The following RFX7 variants were observed in gnomAD, a reference collection of about 807,000 sequenced individuals.
RFX7 encodes DNA-binding protein RFX7.
Under a neutral mutation model 111.8 loss-of-function variants are expected in RFX7, and 26 were observed. The observed-to-expected ratio is 0.23, with a 90% CI of 0.17 to 0.32. RFX7 has a LOEUF of 0.32. RFX7 is among the 10% of genes least tolerant of loss of function. RFX7 has a pLI of 1.00. For synonymous variants in RFX7, 624 were observed against 624.4 expected (o/e 1.00, Z 0.01); for missense variants, 1,573 against 1,772.9 (o/e 0.89, Z 2.02).
rs1342015602 is a variant in RFX7, at chr15:56,116,012, T to C, written c.402-12342A>G. On this transcript the variant is annotated intron_variant, in intron 5 of 9. Transcript: ENST00000559447. ...TATGATTATCGACAGTAACTACCTATAGATTAAGAATTAACAAACATTGAA... is the reference window on the plus strand; with the variant it reads ...TATGATTATCGACAGTAACTACCTACAGATTAAGAATTAACAAACATTGAA... 3.3e-5 allele frequency among the ~76,000 whole-genome samples: 5 copies of C among 152,056 alleles called. No homozygotes were observed. In the South Asian group the frequency reaches 1.0e-3, roughly 32 times the overall value.
chr15:56,095,968 A>G lies in RFX7; in HGVS notation c.1760T>C (p.Val587Ala). 6.2e-7 allele frequency: 1 copy of G among 1,610,192 alleles called. No homozygotes were observed. Among genetic ancestry groups the G allele is most frequent in the Non-Finnish European group, 8.5e-7 (1 of 1,179,604 alleles). ...GACCTTAGTTGCTTTTATTTCAATG[A>G]CACCTTCATTTGAAGGTTTCTGCAG... ...GALQKPSNEG[V>A]IEIKATKVCD... The change falls in exon 10 of 10, where the codon GTC (valine) becomes GCC (alanine). Residue 587 changes from valine (V) to alanine (A), a missense_variant. This residue lies in a region of RFX7 where 625 missense variants were observed against 632.2 expected (regional missense o/e 0.99). Coordinates refer to ENST00000559447, the MANE Select transcript of RFX7 (RefSeq NM_022841.7).
intron 2 of RFX7, among the ~76,000 whole-genome samples, chr15:56,226,093 G>A (rs1347192949): frequency 6.6e-6 from 1 of 151,996 alleles, no homozygotes; most frequent in East Asian, 1.9e-4. Flanking sequence ...AAAAGACAGG[G>A]AGACAAAATA....
intron 2 of RFX7, among the ~76,000 whole-genome samples, chr15:56,194,738 CT>C (rs2141169695): frequency 6.6e-6 from 1 of 152,200 alleles, no homozygotes; most frequent in South Asian, 2.1e-4. Context: ...TTTAAATTCA[CT>C]TACTTTGTCT....
At chr15:56,108,700 A>C (rs557972325) in intron 5 of RFX7, among the ~76,000 whole-genome samples, 89 of 152,312 alleles carry the variant, frequency 5.8e-4, no homozygotes, top group African/African-American at 2.1e-3. Context: ...TGGCCAGGGC[A>C]ATCAGGCAAG....
At chr15:56,109,149 G>A (rs1249418171) in intron 5 of RFX7, among the ~76,000 whole-genome samples, 3 of 152,218 alleles carry the variant, frequency 2.0e-5, no homozygotes, top group South Asian at 4.1e-4. Context: ...CTCCCTGCCT[G>A]ATTCTCCTGC....
At chr15:56,214,237 T>G (rs1184861593) in intron 2 of RFX7, among the ~76,000 whole-genome samples, 1 of 152,228 alleles carries the variant, frequency 6.6e-6, no homozygotes. Flanking sequence ...AGGCCATTTT[T>G]TCTTCCACCA....
chr15:56,218,144 C>CTTTTTTTTTTTTTTT (rs869249448), intron 2 of RFX7, among the ~76,000 whole-genome samples: 1 of 57,974 alleles, frequency 1.7e-5, no homozygotes, highest in Non-Finnish European at 3.1e-5. Flanking sequence ...AAATGATTTT[C>CTTTTTTTTTTTTTTT]TTTTTTTTTT....
In RFX7 at chr15:56,096,513, C is replaced by A. The variant is rs767847451; in HGVS notation, c.1215G>T (p.Val405=). 4 of 1,603,328 alleles carry A rather than the reference C, an allele frequency of 2.5e-6. No individual in the cohort carries two copies. In the African/African-American group the frequency reaches 5.4e-5, roughly 21 times the overall value. ...VQVVTQHMQS[V]KQAPKTPQNV... ...TCTGGGGAGTCTTTGGTGCCTGTTT[C>A]ACAGACTGCATGTGCTGAGTGACCA... The change falls in exon 10 of 10, where the codon GTG becomes GTT. Residue 405 remains valine, a synonymous_variant. Transcript: ENST00000559447.
At chr15:56,192,290 G>T (rs1378872146) in intron 2 of RFX7, 2 of 189,554 alleles carry the variant, frequency 1.1e-5, no homozygotes, top group Middle Eastern at 1.1e-3. Context: ...CAGGCACTTT[G>T]GGTGCTGGCT....
At chr15:56,099,752 A>C (rs1250754212) in intron 8 of RFX7, among the ~76,000 whole-genome samples, 4 of 152,236 alleles carry the variant, frequency 2.6e-5, no homozygotes, top group African/African-American at 9.6e-5. Context: ...GTTTTGAGTA[A>C]TGATACAATT....
chr15:56,237,676 A>G (rs2043639674), intron 2 of RFX7, among the ~76,000 whole-genome samples: 1 of 152,226 alleles, frequency 6.6e-6, no homozygotes, highest in Admixed American at 6.5e-5. Flanking sequence ...TTCAATGGAG[A>G]GAGCAAATTG....
At chr15:56,125,610 A>AGTGTGTGTGTGT (rs10564650) in intron 5 of RFX7, among the ~76,000 whole-genome samples, 3 of 146,954 alleles carry the variant, frequency 2.0e-5, no homozygotes, top group African/African-American at 5.1e-5. Flanking sequence ...TGTGTGTGTG[A>AGTGTGTGTGTGT]GTGTGTGTGT....
intron 5 of RFX7, among the ~76,000 whole-genome samples, chr15:56,111,459 TAA>T (rs1356603401): frequency 6.6e-6 from 1 of 150,966 alleles, no homozygotes; most frequent in Non-Finnish European, 1.5e-5. Flanking sequence ...GCATGCTCGT[TAA>T]GAGTCATCAC....
chr15:56,183,836 T>TA (rs71110379), intron 2 of RFX7, among the ~76,000 whole-genome samples: 11 of 152,086 alleles, frequency 7.2e-5, no homozygotes, highest in Non-Finnish European at 1.3e-4. Flanking sequence ...TGCATTTTTT[T>TA]AATCTGTCCT....
At chr15:56,224,474 T>TGTGTGC (rs753014535) in intron 2 of RFX7, among the ~76,000 whole-genome samples, 78 of 151,538 alleles carry the variant, frequency 5.1e-4, no homozygotes, top group Non-Finnish European at 8.7e-4. Flanking sequence ...ATTTTGTGTG[T>TGTGTGC]GTGTGTGTGT....
intron 2 of RFX7, among the ~76,000 whole-genome samples, chr15:56,185,455 C>A (rs1452996825): frequency 6.6e-5 from 10 of 152,070 alleles, no homozygotes; most frequent in African/African-American, 2.4e-4. Flanking sequence ...TAATTCATTG[C>A]CATTTTATCT....
intron 3 of RFX7, among the ~76,000 whole-genome samples, chr15:56,168,548 G>A (rs180819908): frequency 9.2e-5 from 14 of 152,164 alleles, no homozygotes; most frequent in Non-Finnish European, 1.8e-4. Context: ...GTACAAGAAA[G>A]TTGGGGCCCT....
At chr15:56,213,157 T>C (rs2141200133) in intron 2 of RFX7, among the ~76,000 whole-genome samples, 1 of 152,334 alleles carries the variant, frequency 6.6e-6, no homozygotes, top group South Asian at 2.1e-4. Context: ...CAAGCAATTG[T>C]ACTCCTTGGT....
chr15:56,197,509 TG>T (rs1259165673), intron 2 of RFX7, among the ~76,000 whole-genome samples: 2 of 152,158 alleles, frequency 1.3e-5, no homozygotes, highest in Admixed American at 1.3e-4. Context: ...CCATGTGTGA[TG>T]TGATAGTTTT....
Sources: allele counts gnomAD v4.1 joint callset (sites outside exome capture counted in the v4.1 genomes callset), GRCh38; gene constraint gnomAD v4.1.1; regional missense constraint gnomAD v4.1.1; transcripts MANE v1.5; gene names NCBI Gene and HGNC (gene_info 2026-07-23, HGNC 2026-07-21).